The following PRSS12 variants were observed in gnomAD, a reference collection of about 807,000 sequenced individuals.
PRSS12 encodes serine protease 12.
PRSS12 carries 85 observed loss-of-function variants against 104.4 expected under a neutral mutation model. That is an observed-to-expected ratio of 0.81 (90% CI 0.68 to 0.98). The LOEUF is 0.98. Among genes scored for constraint, PRSS12 ranks in the 50% least tolerant of loss-of-function variants. The pLI is 0.00. For missense variants in PRSS12, 1,141 were observed against 1,139.2 expected, an observed-to-expected ratio of 1.00 and a Z score of -0.02; for synonymous variants, 454 against 425.2, an observed-to-expected ratio of 1.07 and a Z score of -0.83.
At position 118,280,794 on chromosome 4, in the gene PRSS12, G is replaced by GA. The variant is rs1294378593; in HGVS notation, c.*1141dup. On this transcript the variant is annotated 3_prime_UTR_variant, in exon 13 of 13. Transcript: ENST00000296498. Reference sequence around the variant, plus strand: ...ATCATTTAGGTAGGAGAACCATGGGGAAAAAAATCAGCATTTTTTCTGGAG... The same window carrying GA: ...ATCATTTAGGTAGGAGAACCATGGGGAAAAAAAATCAGCATTTTTTCTGGAG... 14 of 152,262 alleles carry GA rather than the reference G, an allele frequency of 9.2e-5. No homozygotes were observed. The highest frequency in any genetic ancestry group is 2.4e-4 in the African/African-American group (10 of 41,558). The allele number at this position is 152,262 out of a possible 1,614,324, so 9.4% of individuals were successfully genotyped here. A position where few individuals can be genotyped will look rare whatever the true frequency, so the allele number is the denominator to read the frequency against.
chr4:118,291,778 T>C (rs996736221), intron 11 of PRSS12, among the ~76,000 whole-genome samples: 1 of 152,172 alleles, frequency 6.6e-6, no homozygotes, highest in Non-Finnish European at 1.5e-5. Flanking sequence ...CAAGACTGAA[T>C]TAATTTCATG....
At chr4:118,320,316 C>T (rs1417985874) in intron 4 of PRSS12, among the ~76,000 whole-genome samples, 2 of 151,818 alleles carry the variant, frequency 1.3e-5, no homozygotes, top group African/African-American at 4.8e-5. Context: ...GCTGTAATAC[C>T]CCACTAATGG....
At chr4:118,351,695 T>C (rs142981642) in intron 1 of PRSS12, among the ~76,000 whole-genome samples, 1 of 152,328 alleles carries the variant, frequency 6.6e-6, no homozygotes, top group East Asian at 1.9e-4. Flanking sequence ...AATTTTGCCA[T>C]ACTTTTTAAA....
At position 118,299,980 on chromosome 4, in the gene PRSS12, C is replaced by CA. The variant is rs1336216604; in HGVS notation, c.1632-1043dup. Among the ~76,000 whole-genome samples, 91 of 136,248 alleles carry CA rather than the reference C, an allele frequency of 6.7e-4. 1 individual carries two copies. Among genetic ancestry groups the CA allele is most frequent in the African/African-American group, 2.1e-3 (77 of 37,388 alleles). The allele number at this position is 136,248 out of a possible 152,430, so 89.4% of individuals were successfully genotyped here. On this transcript the variant is annotated intron_variant, in intron 8 of 12. Coordinates refer to ENST00000296498, the MANE Select transcript of PRSS12 (RefSeq NM_003619.4). Reference sequence around the variant, plus strand: ...TGGGTGACAAGGCGAGACTCCATCTCAAAAAAAAAAGAAGTACAATTTTTT... The same window carrying CA: ...TGGGTGACAAGGCGAGACTCCATCTCAAAAAAAAAAAGAAGTACAATTTTTT...
chr4:118,283,187 G>A, intron 11 of PRSS12, 76 bp from the exon 12 acceptor site: 1 of 1,534,658 alleles, frequency 6.5e-7, no homozygotes, highest in Non-Finnish European at 9.0e-7. Context: ...GACTAATGAA[G>A]ATACAAGCCT....
At chr4:118,299,910 G>A (rs774807661) in intron 8 of PRSS12, among the ~76,000 whole-genome samples, 11 of 148,630 alleles carry the variant, frequency 7.4e-5, no homozygotes, top group Non-Finnish European at 1.3e-4. Context: ...GAACCCAGGA[G>A]GCAGAGATTG....
At chr4:118,282,305 A>C in intron 12 of PRSS12, 62 bp from the exon 13 acceptor site, 1 of 1,586,694 alleles carries the variant, frequency 6.3e-7, no homozygotes, top group Non-Finnish European at 8.7e-7. Flanking sequence ...TTTAACAGTT[A>C]CTGAGCATGT....
At chr4:118,283,425 A>C (rs1437128952) in intron 11 of PRSS12, among the ~76,000 whole-genome samples, 4 of 152,206 alleles carry the variant, frequency 2.6e-5, no homozygotes, top group Non-Finnish European at 4.4e-5. Context: ...AATAGGTCAA[A>C]ATTATTGTCC....
chr4:118,344,290 A>G (rs1223613217), intron 1 of PRSS12, among the ~76,000 whole-genome samples: 1 of 152,186 alleles, frequency 6.6e-6, no homozygotes, highest in Non-Finnish European at 1.5e-5. Flanking sequence ...TATCAATTAT[A>G]AAATATATTT....
intron 11 of PRSS12, among the ~76,000 whole-genome samples, chr4:118,284,813 G>A (rs573871730): frequency 1.1e-4 from 17 of 152,088 alleles, no homozygotes; most frequent in Non-Finnish European, 1.8e-4. Flanking sequence ...ATTTTGTGCC[G>A]GCATCTAACT....
rs759497207 is a variant in PRSS12 at position 118,318,547 on chromosome 4, G to T, written c.981C>A (p.Ala327=). 6.8e-6 allele frequency: 11 copies of T among 1,613,776 alleles called. No homozygotes were observed. Among genetic ancestry groups the T allele is most frequent in the East Asian group, 2.2e-5 (1 of 44,858 alleles). The stretch of plus-strand genomic sequence containing the variant: ...CAAAATATGCCTGATGCCATGCTTT[G>T]GCAATGCCACTGAACAAATAAAAGA... ...ICRQLGLSGI[A]KAWHQAYFGE... Residue 327 remains alanine, a synonymous_variant, in exon 5 of 13, where the codon GCC becomes GCA. Coordinates refer to ENST00000296498, the MANE Select transcript of PRSS12 (RefSeq NM_003619.4).
At chr4:118,314,355 T>C (rs1217556943) in intron 6 of PRSS12, among the ~76,000 whole-genome samples, 2 of 152,166 alleles carry the variant, frequency 1.3e-5, no homozygotes, top group Non-Finnish European at 1.5e-5. Flanking sequence ...AAAATGAATA[T>C]TTTAATAAAT....
chr4:118,345,820 T>A (rs1011673388), intron 1 of PRSS12, among the ~76,000 whole-genome samples: 9 of 152,210 alleles, frequency 5.9e-5, no homozygotes, highest in Non-Finnish European at 1.0e-4. Context: ...TTCCCAAATA[T>A]AAGGACAAGT....
intron 10 of PRSS12, 41 bp from the exon 11 acceptor site, chr4:118,295,102 CA>C: frequency 6.2e-7 from 1 of 1,601,162 alleles, no homozygotes. Context: ...CAGTAAAAGG[CA>C]AAAAAGCAAA....
chr4:118,352,830 C>T lies in PRSS12; in HGVS notation c.-110G>A, dbSNP rs1279217314. 4 of 1,501,992 alleles carry T rather than the reference C, an allele frequency of 2.7e-6. No homozygotes were observed. The highest frequency in any genetic ancestry group is 3.5e-6 in the Non-Finnish European group (4 of 1,127,202). The allele number at this position is 1,501,992 out of a possible 1,614,324, so 93.0% of individuals were successfully genotyped here. Reference sequence around the variant, plus strand: ...CCGCGTCCCTCGAATCCCCCAGCCCCCTCCCGCCCCCGCACGCGGACCGCC... The same window carrying T: ...CCGCGTCCCTCGAATCCCCCAGCCCTCTCCCGCCCCCGCACGCGGACCGCC... On this transcript the variant is annotated 5_prime_UTR_variant, in exon 1 of 13. Transcript: ENST00000296498.
At chr4:118,336,599 T>C (rs1343048011) in intron 2 of PRSS12, among the ~76,000 whole-genome samples, 2 of 152,208 alleles carry the variant, frequency 1.3e-5, no homozygotes, top group Non-Finnish European at 1.5e-5. Flanking sequence ...GATGATACTA[T>C]ATAAGCAGCT....
rs369756709 is a variant in PRSS12 at position 118,312,582 on chromosome 4, G to A, written c.1489+619C>T. On this transcript the variant is annotated intron_variant, in intron 7 of 12. Coordinates refer to ENST00000296498, the MANE Select transcript of PRSS12 (RefSeq NM_003619.4). ...TAATTATTTCAATACAGTTAGAGGA[G>A]CTAGTTACCTTTTATCCAAAAAGTC... Among the ~76,000 whole-genome samples the A allele has an allele frequency of 7.9e-5, 12 of 152,236 alleles. No homozygotes were observed. In the South Asian group the frequency reaches 1.2e-3, roughly 16 times the overall value.
chr4:118,318,745 C>T (rs705838), intron 4 of PRSS12, among the ~76,000 whole-genome samples, 189 bp from the exon 5 acceptor site: 9 of 151,430 alleles, frequency 5.9e-5, no homozygotes, highest in African/African-American at 2.2e-4. Flanking sequence ...CAGCCATTAC[C>T]CATGTTTCAA....
At chr4:118,342,692 C>T (rs948684264) in intron 1 of PRSS12, among the ~76,000 whole-genome samples, 3 of 152,046 alleles carry the variant, frequency 2.0e-5, no homozygotes, top group Admixed American at 6.5e-5. Context: ...CTGAAATGAA[C>T]GGCTACCAAA....
Sources: gnomAD v4.1 joint callset for allele counts (sites outside exome capture counted in the v4.1 genomes callset) on GRCh38, gnomAD v4.1.1 for gene constraint, MANE v1.5 for transcripts, NCBI Gene and HGNC (gene_info 2026-07-23, HGNC 2026-07-21) for gene names.